The following CASTOR2 variants were observed in gnomAD, a reference collection of about 807,000 sequenced individuals.
The protein encoded by CASTOR2 is cytosolic arginine sensor for mTORC1 subunit 2.
CASTOR2 carries 8 observed loss-of-function variants against 31.2 expected under a neutral mutation model. That is an observed-to-expected ratio of 0.26 (90% CI 0.15 to 0.46). The LOEUF (loss-of-function observed/expected upper bound fraction) is 0.46. CASTOR2 is among the 20% of genes least tolerant of loss of function. The probability of loss-of-function intolerance (pLI) is 0.99; values close to 1 mark genes in which losing one functional copy is unlikely to be tolerated. For missense variants in CASTOR2, 216 were observed against 382.1 expected, an observed-to-expected ratio of 0.57 and a Z score of 3.62; for synonymous variants, 162 against 158.7, an observed-to-expected ratio of 1.02 and a Z score of -0.16.
intron 1 of CASTOR2, among the ~76,000 whole-genome samples, chr7:74,965,856 A>ACACACCCCAAAAGAGGGAAT (rs1803562637): frequency 6.8e-5 from 1 of 14,690 alleles, no homozygotes; most frequent in Non-Finnish European, 1.1e-4. Context: ...GGAATCACAC[A>ACACACCCCAAAAGAGGGAAT]CACACACACA....
rs1312323046 is a variant in CASTOR2, at chr7:75,017,653, C to T, written c.240C>T (p.Asn80=). Residue 80 remains asparagine, a synonymous_variant, in exon 3 of 9, where the codon AAC becomes AAT. Transcript: ENST00000616305. The part of the protein sequence containing the change: ...SVADATWLAL[N]VVSGGGSFSS... ...CAGATGCCACCTGGCTGGCCCTGAACGTGGTGTCCGGCGGTGGCAGCTTCT... is the reference window on the plus strand; with the variant it reads ...CAGATGCCACCTGGCTGGCCCTGAATGTGGTGTCCGGCGGTGGCAGCTTCT... 30 of 1,613,918 alleles carry T rather than the reference C, an allele frequency of 1.9e-5. No homozygotes were observed. In the East Asian group the frequency reaches 4.0e-4, roughly 22 times the overall value.
chr7:74,995,725 A>G (rs1804330159), intron 1 of CASTOR2, among the ~76,000 whole-genome samples: 3 of 151,616 alleles, frequency 2.0e-5, no homozygotes, highest in African/African-American at 7.3e-5. Context: ...GGAGAATGGC[A>G]TGAACCTGGG....
At chr7:74,993,902 G>A (rs1804274842) in intron 1 of CASTOR2, among the ~76,000 whole-genome samples, 1 of 152,096 alleles carries the variant, frequency 6.6e-6, no homozygotes, top group Admixed American at 6.6e-5. Flanking sequence ...AAGTTTACCT[G>A]GAAGTGTCTC....
At chr7:74,994,658 G>A (rs1804296297) in intron 1 of CASTOR2, among the ~76,000 whole-genome samples, 1 of 152,066 alleles carries the variant, frequency 6.6e-6, no homozygotes, top group Admixed American at 6.6e-5. Context: ...GCTGAGGCAG[G>A]AGAATTGCTT....
intron 2 of CASTOR2, among the ~76,000 whole-genome samples, chr7:75,009,884 ATTTTTTTTT>A (rs1186959059): frequency 2.3e-5 from 3 of 128,690 alleles, no homozygotes; most frequent in African/African-American, 8.7e-5. Context: ...CAGGCACTTA[ATTTTTTTTT>A]TTTTTTTTTT....
chr7:74,997,545 C>G (rs1309891897), intron 1 of CASTOR2, among the ~76,000 whole-genome samples: 3 of 151,874 alleles, frequency 2.0e-5, no homozygotes, highest in Non-Finnish European at 4.4e-5. Context: ...TGTGCTTCAG[C>G]CCCCCAAGTA....
Position 75,028,593 on chromosome 7 carries a change from A to G in CASTOR2, c.*3894A>G, listed in dbSNP as rs906544159. On this transcript the variant is annotated 3_prime_UTR_variant, in exon 9 of 9. Coordinates refer to ENST00000616305, the MANE Select transcript of CASTOR2 (RefSeq NM_001145064.3). ...AGTGGGAGCTGAAGGATGGGGAGGA[A>G]CAGAGCAGTGACCACCCCTCCCTGC... Among the ~76,000 whole-genome samples the G allele has an allele frequency of 6.5e-4, 99 of 152,184 alleles. No homozygotes were observed. The highest frequency in any genetic ancestry group is 2.2e-3 in the African/African-American group (93 of 41,522).
intron 2 of CASTOR2, among the ~76,000 whole-genome samples, chr7:75,011,466 G>T (rs1197342348): frequency 2.0e-5 from 3 of 149,806 alleles, no homozygotes; most frequent in African/African-American, 7.4e-5. Context: ...CGGGCGCGGT[G>T]GCTCACGCCT....
intron 1 of CASTOR2, among the ~76,000 whole-genome samples, chr7:74,979,394 T>A (rs1456894943): frequency 4.5e-5 from 5 of 112,150 alleles, no homozygotes; most frequent in South Asian, 2.7e-4. Context: ...GTTCCCATAT[T>A]TTTTTTTTTT....
In CASTOR2 at chr7:74,996,732, TTTTTTTTTTTTTTG is replaced by T. The variant is rs1212082307; in HGVS notation, c.114-11261_114-11248del. On this transcript the variant is annotated intron_variant, in intron 1 of 8. Transcript: ENST00000616305. ...GCCTGGTGCTTTTTTTTTTTTTTTT[TTTTTTTTTTTTTTG>T]GAGACAGAATCTTACTCTGTCACCC... 2.0e-4 allele frequency among the ~76,000 whole-genome samples: 23 copies of T among 114,586 alleles called. 1 individual carries two copies. Among genetic ancestry groups the T allele is most frequent in the East Asian group, 2.7e-4 (1 of 3,682 alleles). 75.2% of individuals were successfully genotyped at this position (114,586 alleles called of 152,430 possible). A position where few individuals can be genotyped will look rare whatever the true frequency, so the allele number is the denominator to read the frequency against.
At chr7:75,016,955 TC>T (rs1804877079) in intron 2 of CASTOR2, among the ~76,000 whole-genome samples, 1 of 151,562 alleles carries the variant, frequency 6.6e-6, no homozygotes, top group Admixed American at 6.6e-5. Context: ...TCCCTTGAGA[TC>T]AGGAGTTCGA....
intron 1 of CASTOR2, among the ~76,000 whole-genome samples, chr7:74,975,227 C>T (rs1324258722): frequency 6.6e-6 from 1 of 151,506 alleles, no homozygotes; most frequent in Non-Finnish European, 1.5e-5. Context: ...CTTGGCCTCC[C>T]AACGTGCTGG....
At position 75,028,040 on chromosome 7, in the gene CASTOR2, G is replaced by C; in HGVS notation, c.*3341G>C. 3.3e-6 allele frequency: 5 copies of C among 1,534,824 alleles called. No homozygotes were observed. The highest frequency in any genetic ancestry group is 4.4e-6 in the Non-Finnish European group (5 of 1,146,716). On this transcript the variant is annotated 3_prime_UTR_variant, in exon 9 of 9. Coordinates refer to ENST00000616305, the MANE Select transcript of CASTOR2 (RefSeq NM_001145064.3). ...CCATCCCCCGGAGGTAATCAGAGGA[G>C]TGGGCCTGTTGTCTTGGCGCTGGCG...
At chr7:75,006,076 G>A (rs1804599669) in intron 1 of CASTOR2, among the ~76,000 whole-genome samples, 1 of 152,216 alleles carries the variant, frequency 6.6e-6, no homozygotes, top group Non-Finnish European at 1.5e-5. Flanking sequence ...GTTGCAGTGA[G>A]CTGAGATCAT....
chr7:74,990,755 T>G (rs1394274109), intron 1 of CASTOR2, among the ~76,000 whole-genome samples: 6 of 152,148 alleles, frequency 3.9e-5, no homozygotes, highest in African/African-American at 1.4e-4. Flanking sequence ...CTCGGGAGGC[T>G]GAGGCAGGAG....
At chr7:75,009,977 A>G (rs1804700899) in intron 2 of CASTOR2, among the ~76,000 whole-genome samples, 1 of 149,484 alleles carries the variant, frequency 6.7e-6, no homozygotes, top group African/African-American at 2.5e-5. Flanking sequence ...ATCGTAGTGC[A>G]TAGCAGCCTT....
chr7:75,023,630 G>C (rs1301676164), intron 7 of CASTOR2, among the ~76,000 whole-genome samples: 1 of 151,868 alleles, frequency 6.6e-6, no homozygotes, highest in Non-Finnish European at 1.5e-5. Context: ...AGTAGAGATG[G>C]GGTTTCACCA....
At chr7:75,007,660 A>G (rs1174429545) in intron 1 of CASTOR2, among the ~76,000 whole-genome samples, 2 of 152,100 alleles carry the variant, frequency 1.3e-5, no homozygotes, top group Non-Finnish European at 2.9e-5. Context: ...CCTGACCCAC[A>G]CTGGAGCCAC....
intron 2 of CASTOR2, among the ~76,000 whole-genome samples, chr7:75,014,824 T>A (rs2131951566): frequency 6.6e-6 from 1 of 152,254 alleles, no homozygotes; most frequent in East Asian, 1.9e-4. Flanking sequence ...GCCAAGAGAC[T>A]CCTAGTGGCA....
Sources: allele counts gnomAD v4.1 joint callset (sites outside exome capture counted in the v4.1 genomes callset), GRCh38; gene constraint gnomAD v4.1.1; transcripts MANE v1.5; gene names NCBI Gene and HGNC (gene_info 2026-07-23, HGNC 2026-07-21).